CDH10: variants seen among roughly 807,000 people sequenced by gnomAD.
CDH10 encodes cadherin 10.
Under a neutral mutation model 73.1 loss-of-function variants are expected in CDH10, and 30 were observed. That is an observed-to-expected ratio of 0.41 (90% CI 0.31 to 0.56). CDH10 has a LOEUF of 0.56. Among genes scored for constraint, CDH10 ranks in the 20% least tolerant of loss-of-function variants. CDH10 has a pLI of 0.27. For missense variants in CDH10, 815 were observed against 973.7 expected (o/e 0.84, Z 2.17); for synonymous variants, 345 against 348.2 (o/e 0.99, Z 0.10).
At chr5:24,588,715 A>G (rs1206107663) in intron 2 of CDH10, among the ~76,000 whole-genome samples, 1 of 152,130 alleles carries the variant, frequency 6.6e-6, no homozygotes, top group Non-Finnish European at 1.5e-5. Flanking sequence ...GGCTTTATTG[A>G]TATTTAAATT....
intron 1 of CDH10, among the ~76,000 whole-genome samples, chr5:24,614,074 C>T (rs2112151559): frequency 6.6e-6 from 1 of 152,210 alleles, no homozygotes; most frequent in East Asian, 1.9e-4. Flanking sequence ...AGAACATAGT[C>T]TGATAATAAT....
chr5:24,515,832 C>T (rs775307727), intron 5 of CDH10, among the ~76,000 whole-genome samples: 2 of 152,070 alleles, frequency 1.3e-5, no homozygotes, highest in Admixed American at 6.6e-5. Context: ...ATCATGGGAG[C>T]GGGTCTTTCC....
At chr5:24,540,417 T>A (rs1333296150) in intron 2 of CDH10, among the ~76,000 whole-genome samples, 1 of 151,916 alleles carries the variant, frequency 6.6e-6, no homozygotes, top group Admixed American at 6.6e-5. Flanking sequence ...GAAAGCTCAG[T>A]TTTGGAATAT....
At chr5:24,643,513 T>G (rs745364471) in intron 1 of CDH10, among the ~76,000 whole-genome samples, 2 of 121,736 alleles carry the variant, frequency 1.6e-5, no homozygotes, top group Admixed American at 9.9e-5. Context: ...CAGATTATTT[T>G]TAATACAGAT....
chr5:24,623,140 G>A (rs1187828207), intron 1 of CDH10, among the ~76,000 whole-genome samples: 1 of 152,160 alleles, frequency 6.6e-6, no homozygotes, highest in Non-Finnish European at 1.5e-5. Flanking sequence ...GGGAACTAGA[G>A]CTACTGGATC....
intron 5 of CDH10, among the ~76,000 whole-genome samples, chr5:24,515,582 C>T (rs902596111): frequency 6.6e-6 from 1 of 152,180 alleles, no homozygotes; most frequent in African/African-American, 2.4e-5. Context: ...CATTTTACTA[C>T]TAACTAAATT....
rs145538161 is a variant in CDH10 at position 24,620,616 on chromosome 5, T to G, written c.-124+23978A>C. ...CCATATATATACTAAGGACAGTACATATACTTGTTAAAGTTGTACTTTTCT... is the reference window on the plus strand; with the variant it reads ...CCATATATATACTAAGGACAGTACAGATACTTGTTAAAGTTGTACTTTTCT... On this transcript the variant is annotated intron_variant, in intron 1 of 11. Coordinates refer to ENST00000264463, the MANE Select transcript of CDH10 (RefSeq NM_006727.5). 2.4e-4 allele frequency among the ~76,000 whole-genome samples: 37 copies of G among 152,328 alleles called. No individual in the cohort carries two copies. In the East Asian group the frequency reaches 6.4e-3, roughly 26 times the overall value.
intron 2 of CDH10, among the ~76,000 whole-genome samples, chr5:24,557,731 G>C (rs1481581870): frequency 6.6e-6 from 1 of 151,616 alleles, no homozygotes; most frequent in Non-Finnish European, 1.5e-5. Flanking sequence ...TAACTACTTC[G>C]GCTTCTGCAG....
chr5:24,546,089 C>T (rs911534724), intron 2 of CDH10, among the ~76,000 whole-genome samples: 9 of 152,000 alleles, frequency 5.9e-5, no homozygotes, highest in Admixed American at 3.3e-4. Context: ...AAGAGATAAA[C>T]GAAGTTGGAT....
chr5:24,589,801 G>T (rs1399940995), intron 2 of CDH10, among the ~76,000 whole-genome samples: 3 of 151,988 alleles, frequency 2.0e-5, no homozygotes, highest in African/African-American at 4.8e-5. Context: ...CATGTAAAAA[G>T]ATATTAAACT....
intron 1 of CDH10, among the ~76,000 whole-genome samples, chr5:24,625,362 A>G (rs1747457491): frequency 6.6e-6 from 1 of 151,942 alleles, no homozygotes; most frequent in Non-Finnish European, 1.5e-5. Flanking sequence ...TATGAACTAA[A>G]TAGCAAGAGT....
At chr5:24,501,863 C>T (rs79466217) in intron 8 of CDH10, among the ~76,000 whole-genome samples, 4,593 of 151,878 alleles carry the variant, frequency 0.03, 117 homozygotes, top group East Asian at 0.091. Flanking sequence ...CCCTAAAATC[C>T]CAAGTTTATT....
chr5:24,533,136 G>A (rs994940541), intron 5 of CDH10, among the ~76,000 whole-genome samples: 4 of 151,922 alleles, frequency 2.6e-5, no homozygotes, highest in Admixed American at 2.6e-4. Flanking sequence ...AGATGAGCCT[G>A]GGCAACACGG....
intron 2 of CDH10, among the ~76,000 whole-genome samples, chr5:24,557,918 G>C (rs1356775110): frequency 6.6e-6 from 1 of 151,754 alleles, no homozygotes; most frequent in African/African-American, 2.4e-5. Context: ...TAATCCCTTT[G>C]AGAAAGCATT....
At chr5:24,600,195 GA>G (rs1325859564) in intron 1 of CDH10, among the ~76,000 whole-genome samples, 1 of 152,032 alleles carries the variant, frequency 6.6e-6, no homozygotes, top group African/African-American at 2.4e-5. Context: ...CCAAAATATA[GA>G]ATATAGAATC....
intron 2 of CDH10, among the ~76,000 whole-genome samples, chr5:24,559,752 T>C (rs1483849386): frequency 6.6e-6 from 1 of 152,104 alleles, no homozygotes; most frequent in East Asian, 1.9e-4. Flanking sequence ...CCAAGTTTCA[T>C]ACAAAGTAAA....
At chr5:24,611,582 C>T (rs541684349) in intron 1 of CDH10, among the ~76,000 whole-genome samples, 4 of 152,048 alleles carry the variant, frequency 2.6e-5, no homozygotes, top group Non-Finnish European at 5.9e-5. Context: ...CAAGTTTTGT[C>T]TCCTATTTTC....
intron 8 of CDH10, among the ~76,000 whole-genome samples, chr5:24,498,906 T>A (rs1742390385): frequency 1.3e-5 from 2 of 152,150 alleles, no homozygotes; most frequent in African/African-American, 2.4e-5. Flanking sequence ...AGAAATAGTT[T>A]TTTTTGTTTG....
intron 2 of CDH10, among the ~76,000 whole-genome samples, chr5:24,547,478 G>A (rs570485325): frequency 6.6e-6 from 1 of 152,126 alleles, no homozygotes; most frequent in African/African-American, 2.4e-5. Flanking sequence ...CCAAGGAAAG[G>A]GCACTTCTAG....
Sources: gnomAD v4.1 joint callset for allele counts (sites outside exome capture counted in the v4.1 genomes callset) on GRCh38, gnomAD v4.1.1 for gene constraint, MANE v1.5 for transcripts, NCBI Gene and HGNC (gene_info 2026-07-23, HGNC 2026-07-21) for gene names.